Variants in ITGA5 observed in about 807,000 individuals in gnomAD.
ITGA5 encodes the protein integrin alpha-5.
ITGA5 carries 55 observed loss-of-function variants against 146.3 expected under a neutral mutation model. The ratio of observed to expected loss-of-function variants is 0.38; its 90% CI spans 0.30 to 0.47. ITGA5 has a LOEUF of 0.47. Among genes scored for constraint, ITGA5 ranks in the 20% least tolerant of loss-of-function variants. ITGA5 has a pLI of 0.99. For missense variants in ITGA5, 1,131 were observed against 1,329.0 expected, an observed-to-expected ratio of 0.85 and a Z score of 2.32; for synonymous variants, 500 against 531.8, an observed-to-expected ratio of 0.94 and a Z score of 0.82.
At chr12:54,397,556 T>C in intron 28 of ITGA5, 69 bp from the exon 29 acceptor site, 1 of 1,586,476 alleles carries the variant, frequency 6.3e-7, no homozygotes, top group Non-Finnish European at 8.6e-7. Flanking sequence ...TGGCCCCCAC[T>C]TGTCATTGGA....
At position 54,408,187 on chromosome 12, in the gene ITGA5, G is replaced by A. The variant is rs1418963370; in HGVS notation, c.740C>T (p.Pro247Leu). 3 of 1,614,034 alleles carry A rather than the reference G, an allele frequency of 1.9e-6. No homozygotes were observed. The highest frequency in any genetic ancestry group is 2.5e-6 in the Non-Finnish European group (3 of 1,180,026). The change falls in exon 7 of 30, where the codon CCC becomes CTC. Residue 247 changes from proline (P) to leucine (L), a missense_variant. Coordinates refer to ENST00000293379, the MANE Select transcript of ITGA5 (RefSeq NM_002205.5). ...TQEQIAESYY[P>L]EYLINLVQGQ... The stretch of plus-strand genomic sequence containing the variant: ...CTGAACCAGGTTGATCAGGTACTCG[G>A]GGTAATAAGATTCTGCAATCTGCTC...
Position 54,403,616 on chromosome 12 carries a change from G to A in ITGA5, c.1776+9C>T. Reference sequence around the variant, plus strand: ...CTGGCCAGTCCACACCCCGCCCTCTGGGCCATACCCTGAGGTAGATCTTCA... The same window carrying A: ...CTGGCCAGTCCACACCCCGCCCTCTAGGCCATACCCTGAGGTAGATCTTCA... On this transcript the variant is annotated intron_variant, in intron 17 of 29. Transcript: ENST00000293379. The surrounding 1 kb of genome is among the most constrained non-coding windows in gnomAD (Gnocchi z 4.9). 6.2e-7 allele frequency: 1 copy of A among 1,612,082 alleles called. No individual in the cohort carries two copies. The highest frequency in any genetic ancestry group is 1.1e-5 in the South Asian group (1 of 90,980).
At position 54,409,943 on chromosome 12, in the gene ITGA5, G is replaced by T. The variant is rs1355444624; in HGVS notation, c.350-346C>A. Among the ~76,000 whole-genome samples the T allele has an allele frequency of 6.6e-6, 1 of 150,624 alleles. No homozygotes were observed. Among genetic ancestry groups the T allele is most frequent in the Non-Finnish European group, 1.5e-5 (1 of 67,702 alleles). Reference sequence around the variant, plus strand: ...ATGATCTCGGCTCAGTGCAACCTCCGCCTCCCTGGTTCAAGGGATTCTCCT... The same window carrying T: ...ATGATCTCGGCTCAGTGCAACCTCCTCCTCCCTGGTTCAAGGGATTCTCCT... On this transcript the variant is annotated intron_variant, in intron 2 of 29. Coordinates refer to ENST00000293379, the MANE Select transcript of ITGA5 (RefSeq NM_002205.5). This position sits in a 1 kb window ranked among gnomAD's most constrained non-coding sequence, Gnocchi z 4.7.
chr12:54,418,078 C>A (rs1173626403), intron 1 of ITGA5, among the ~76,000 whole-genome samples: 1 of 152,128 alleles, frequency 6.6e-6, no homozygotes, highest in Non-Finnish European at 1.5e-5. Flanking sequence ...CCCACGGAGC[C>A]CCCGTCTCCC....
rs1371721871 is a variant in ITGA5, at chr12:54,403,650, C to T, written c.1751G>A (p.Cys584Tyr). The change falls in exon 17 of 30, where the codon TGC becomes TAC. Residue 584 changes from cysteine to tyrosine, a missense_variant. Transcript: ENST00000293379. The surrounding 1 kb of genome is among the most constrained non-coding windows in gnomAD (Gnocchi z 4.9). ...LLIQNGARED[C>Y]REMKIYLRNE... ...CCTGAGGTAGATCTTCATCTCTCTG[C>T]AATCCTCTCGAGCCCCATTCTGGAT... The T allele has an allele frequency of 6.2e-7, 1 of 1,614,086 alleles. No individual in the cohort carries two copies. Among genetic ancestry groups the T allele is most frequent in the Admixed American group, 1.7e-5 (1 of 60,026 alleles).
rs557120921 is a variant in ITGA5 at position 54,403,537 on chromosome 12, C to A, written c.1776+88G>T. 9.0e-6 allele frequency: 13 copies of A among 1,440,408 alleles called. No individual in the cohort carries two copies. Among genetic ancestry groups the A allele is most frequent in the Non-Finnish European group, 1.2e-5 (13 of 1,060,960 alleles). 89.2% of individuals were successfully genotyped at this position (1,440,408 alleles called of 1,614,324 possible). Reference sequence around the variant, plus strand: ...AGAGTCCCAAGCCCTTCACTGGAGTCCCCCAGTCTTTTTCCCTTCAGGAGG... The same window carrying A: ...AGAGTCCCAAGCCCTTCACTGGAGTACCCCAGTCTTTTTCCCTTCAGGAGG... On this transcript the variant is annotated intron_variant, in intron 17 of 29. Transcript: ENST00000293379. This position sits in a 1 kb window ranked among gnomAD's most constrained non-coding sequence, Gnocchi z 4.9.
chr12:54,408,993 G>T (rs1385877608), intron 4 of ITGA5, 39 bp from the exon 5 acceptor site: 2 of 1,590,298 alleles, frequency 1.3e-6, no homozygotes, highest in Non-Finnish European at 1.7e-6. Context: ...GCCCTGCATA[G>T]ATGGGTCATC....
chr12:54,400,714 C>T (rs1258674844), intron 25 of ITGA5, 132 bp downstream of exon 25: 1 of 838,406 alleles, frequency 1.2e-6, no homozygotes, highest in African/African-American at 1.7e-5. Context: ...AACTTTGGGC[C>T]TTGTGACCCT....
intron 1 of ITGA5, among the ~76,000 whole-genome samples, chr12:54,412,722 G>A (rs1203664182): frequency 6.6e-6 from 1 of 152,174 alleles, no homozygotes; most frequent in Non-Finnish European, 1.5e-5. Flanking sequence ...CTGATATGAG[G>A]GGAAGTTTGC....
In ITGA5 at chr12:54,409,864, CTTT is replaced by C; in HGVS notation, c.350-270_350-268del. ...CACACGCACACAGAACCTGGGCTTTCTTTTTTTTTTGAGATGGAGTCTCACTCT... is the reference window on the plus strand; with the variant it reads ...CACACGCACACAGAACCTGGGCTTTCTTTTTTTGAGATGGAGTCTCACTCT... On this transcript the variant is annotated intron_variant, in intron 2 of 29. Coordinates refer to ENST00000293379, the MANE Select transcript of ITGA5 (RefSeq NM_002205.5). This position sits in a 1 kb window ranked among gnomAD's most constrained non-coding sequence, Gnocchi z 4.7. The C allele has an allele frequency of 3.5e-6, 1 of 287,622 alleles. No homozygotes were observed. Among genetic ancestry groups the C allele is most frequent in the Non-Finnish European group, 6.6e-6 (1 of 152,436 alleles). The allele number at this position is 287,622 out of a possible 1,614,324, so 17.8% of individuals were successfully genotyped here.
intron 28 of ITGA5, among the ~76,000 whole-genome samples, chr12:54,398,377 G>A (rs185136317): frequency 3.9e-5 from 6 of 152,280 alleles, no homozygotes; most frequent in Non-Finnish European, 8.8e-5. Flanking sequence ...CACCACACTT[G>A]GAACACTGTG....
Position 54,403,862 on chromosome 12 carries a change from C to T in ITGA5, c.1621+49G>A. On this transcript the variant is annotated intron_variant, in intron 16 of 29. Transcript: ENST00000293379. This position sits in a 1 kb window ranked among gnomAD's most constrained non-coding sequence, Gnocchi z 4.9. ...AAGAAATGTCCCCAGGTCCCCAGTC[C>T]CTTCATTCTCTGTCCTAGGGCCTGA... 1 of 1,612,282 alleles carries T rather than the reference C, an allele frequency of 6.2e-7. No homozygotes were observed. The highest frequency in any genetic ancestry group is 1.1e-5 in the South Asian group (1 of 91,058).
At chr12:54,402,896 A>C (rs1955807092) in intron 19 of ITGA5, 87 bp downstream of exon 19, 3 of 1,066,734 alleles carry the variant, frequency 2.8e-6, no homozygotes, top group Non-Finnish European at 4.4e-6. Context: ...CAACTTCCCA[A>C]GGCGACACAG....
intron 1 of ITGA5, among the ~76,000 whole-genome samples, chr12:54,415,391 T>A (rs1008097823): frequency 1.3e-5 from 2 of 152,176 alleles, no homozygotes; most frequent in African/African-American, 4.8e-5. Flanking sequence ...TGAGGCCACA[T>A]GGCATAAAGG....
Position 54,399,742 on chromosome 12 carries a change from T to G in ITGA5, c.2744A>C (p.Glu915Ala). ...GPQILKCPEA[E>A]CFRLRCELGP... ...GAGCTCACAGCGCAGCCTGAAACACTCAGCCTCCGGGCATTTCTAGGAAGA... is the reference window on the plus strand; with the variant it reads ...GAGCTCACAGCGCAGCCTGAAACACGCAGCCTCCGGGCATTTCTAGGAAGA... The change falls in exon 27 of 30, where the codon GAG becomes GCG. Residue 915 changes from glutamate (E) to alanine (A), a missense_variant. Physicochemically the swap from Glu to Ala is moderately radical, Grantham distance 107 (BLOSUM62 -1). This residue lies in a region of ITGA5 where 889 missense variants were observed against 1,021.5 expected (regional missense o/e 0.87). Coordinates refer to ENST00000293379, the MANE Select transcript of ITGA5 (RefSeq NM_002205.5). 2.5e-6 allele frequency: 4 copies of G among 1,614,138 alleles called. No homozygotes were observed. Among genetic ancestry groups the G allele is most frequent in the Non-Finnish European group, 3.4e-6 (4 of 1,179,982 alleles).
At chr12:54,407,478 T>C (rs1955881749) in intron 9 of ITGA5, 171 bp downstream of exon 9, 10 of 658,180 alleles carry the variant, frequency 1.5e-5, no homozygotes, top group Middle Eastern at 4.1e-4. Context: ...AAGCAGAGTA[T>C]GAATAAAGAG....
intron 1 of ITGA5, among the ~76,000 whole-genome samples, chr12:54,415,077 G>C (rs954455678): frequency 5.3e-5 from 8 of 152,204 alleles, no homozygotes; most frequent in African/African-American, 1.7e-4. Context: ...GAACCAGGGA[G>C]GTGGGGGTTG....
At chr12:54,412,705 G>A (rs748764517) in intron 1 of ITGA5, among the ~76,000 whole-genome samples, 1 of 152,196 alleles carries the variant, frequency 6.6e-6, no homozygotes, top group Non-Finnish European at 1.5e-5. Context: ...CAGTGCTTCT[G>A]TTCCCCCTGA....
chr12:54,407,888 G>A lies in ITGA5; in HGVS notation c.818-12C>T. On this transcript the variant is annotated splice_polypyrimidine_tract_variant and intron_variant, in intron 7 of 29. Transcript: ENST00000293379. ...AGCCACAGAGTATCCTGGGGGACAG[G>A]GTGGGTGGATGTTAGGATTCCTGCT... The A allele has an allele frequency of 1.3e-5, 21 of 1,569,692 alleles. No homozygotes were observed. The highest frequency in any genetic ancestry group is 1.7e-5 in the Non-Finnish European group (20 of 1,156,204).
Sources: allele counts gnomAD v4.1 joint callset (sites outside exome capture counted in the v4.1 genomes callset), GRCh38; gene constraint gnomAD v4.1.1; regional missense constraint gnomAD v4.1.1; non-coding constraint Gnocchi (gnomAD v3.1); transcripts MANE v1.5; gene names NCBI Gene and HGNC (gene_info 2026-07-23, HGNC 2026-07-21).